The following LGALS2 variants were observed in gnomAD, a reference collection of about 807,000 sequenced individuals.
The protein encoded by LGALS2 is galectin 2.
LGALS2 carries 7 observed loss-of-function variants against 10.1 expected under a neutral mutation model. That is an observed-to-expected ratio of 0.70 (90% CI 0.40 to 1.31). LGALS2 has a LOEUF of 1.31. Ranked by LOEUF, LGALS2 falls within the 50% of genes most tolerant of loss-of-function variation. The pLI is 0.01. For missense variants in LGALS2, 167 were observed against 163.6 expected (o/e 1.02, Z -0.11); for synonymous variants, 86 against 64.2 (o/e 1.34, Z -1.63).
intron 1 of LGALS2, among the ~76,000 whole-genome samples, chr22:37,576,876 G>A (rs1925697688): frequency 6.6e-6 from 1 of 152,084 alleles, no homozygotes; most frequent in African/African-American, 2.4e-5. Flanking sequence ...GACAAATAGG[G>A]ATGCTGAGAG....
chr22:37,570,777 C>G, intron 2 of LGALS2, 42 bp from the exon 3 acceptor site: 1 of 1,612,386 alleles, frequency 6.2e-7, no homozygotes, highest in Non-Finnish European at 8.5e-7. Flanking sequence ...GGGCTCAGGC[C>G]TGGATAAAGC....
chr22:37,570,850 G>T, intron 2 of LGALS2, 115 bp from the exon 3 acceptor site: 1 of 1,171,406 alleles, frequency 8.5e-7, no homozygotes, highest in Non-Finnish European at 1.3e-6. Context: ...TGTTAGTTGA[G>T]ATCTGTGCCT....
chr22:37,572,397 C>G (rs147033704), intron 1 of LGALS2, among the ~76,000 whole-genome samples: 5 of 151,994 alleles, frequency 3.3e-5, no homozygotes, highest in African/African-American at 9.7e-5. Flanking sequence ...TTTGGGAGGC[C>G]GAGGCGGGCT....
intron 1 of LGALS2, among the ~76,000 whole-genome samples, chr22:37,575,045 G>A (rs1925629985): frequency 6.6e-6 from 1 of 151,716 alleles, no homozygotes; most frequent in Non-Finnish European, 1.5e-5. Flanking sequence ...ACCATATCTA[G>A]CTAATTTTCT....
intron 1 of LGALS2, among the ~76,000 whole-genome samples, chr22:37,574,816 T>C (rs1048011922): frequency 4.6e-5 from 7 of 151,668 alleles, no homozygotes; most frequent in Non-Finnish European, 2.9e-5. Context: ...GACCCGCTGG[T>C]TGGTCACATG....
chr22:37,576,684 G>A (rs904910210), intron 1 of LGALS2, among the ~76,000 whole-genome samples: 11 of 152,084 alleles, frequency 7.2e-5, no homozygotes, highest in Non-Finnish European at 1.5e-4. Flanking sequence ...CCCACACCCC[G>A]AGCCCTGCAA....
chr22:37,570,900 G>A (rs1925478653), intron 2 of LGALS2, among the ~76,000 whole-genome samples, 165 bp from the exon 3 acceptor site: 1 of 152,224 alleles, frequency 6.6e-6, no homozygotes, highest in South Asian at 2.1e-4. Context: ...ACTTAGCACT[G>A]TGGTAGCACA....
chr22:37,575,612 C>A (rs1426608847), intron 1 of LGALS2, among the ~76,000 whole-genome samples: 1 of 150,796 alleles, frequency 6.6e-6, no homozygotes, highest in East Asian at 1.9e-4. Context: ...AGGCATCCCA[C>A]CTGGCCCAGC....
chr22:37,573,269 T>C (rs1471832630), intron 1 of LGALS2, among the ~76,000 whole-genome samples: 1 of 151,658 alleles, frequency 6.6e-6, no homozygotes, highest in Non-Finnish European at 1.5e-5. Context: ...AGACTCTGTC[T>C]CAAAAACAAA....
In LGALS2 at chr22:37,570,600, G is replaced by A. The variant is rs1003716825; in HGVS notation, c.225C>T (p.Cys75=). 1 of 1,614,252 alleles carries A rather than the reference G, an allele frequency of 6.2e-7. No individual in the cohort carries two copies. The highest frequency in any genetic ancestry group is 8.5e-7 in the Non-Finnish European group (1 of 1,180,042). ...WGQEQREDHL[C]FSPGSEVKFT... Reference sequence around the variant, plus strand: ...CCTTGACCTCTGACCCTGGGCTGAAGCACAGGTGATCTTCCCGTTGTTCTT... The same window carrying A: ...CCTTGACCTCTGACCCTGGGCTGAAACACAGGTGATCTTCCCGTTGTTCTT... Residue 75 remains cysteine, a synonymous_variant, in exon 3 of 4, where the codon TGC becomes TGT. Transcript: ENST00000215886.
chr22:37,571,467 G>A (rs1404441545), intron 2 of LGALS2, among the ~76,000 whole-genome samples: 3 of 152,112 alleles, frequency 2.0e-5, no homozygotes, highest in Non-Finnish European at 4.4e-5. Flanking sequence ...GGCTGCCCTG[G>A]TTTAATGCTC....
At chr22:37,579,664 C>T (rs893063215) in intron 1 of LGALS2, among the ~76,000 whole-genome samples, 1 of 152,074 alleles carries the variant, frequency 6.6e-6, no homozygotes. Flanking sequence ...AAACTCCCAA[C>T]CTCAGATGAT....
At chr22:37,576,391 G>T (rs1925677245) in intron 1 of LGALS2, among the ~76,000 whole-genome samples, 2 of 148,158 alleles carry the variant, frequency 1.3e-5, no homozygotes, top group South Asian at 2.1e-4. Context: ...GGCGGTGCTT[G>T]CAGTGAGCCA....
chr22:37,575,863 C>G (rs1353881851), intron 1 of LGALS2, among the ~76,000 whole-genome samples: 1 of 152,222 alleles, frequency 6.6e-6, no homozygotes, highest in Non-Finnish European at 1.5e-5. Flanking sequence ...ACCAGAGCTT[C>G]TCAGCCTTGG....
intron 3 of LGALS2, 74 bp from the exon 4 acceptor site, chr22:37,570,486 A>G: frequency 6.2e-7 from 1 of 1,605,354 alleles, no homozygotes; most frequent in African/African-American, 1.3e-5. Flanking sequence ...TGGCTCAAAC[A>G]AGGCCAGCAC....
chr22:37,576,388 C>A (rs1925677018), intron 1 of LGALS2, among the ~76,000 whole-genome samples: 1 of 145,296 alleles, frequency 6.9e-6, no homozygotes, highest in Non-Finnish European at 1.5e-5. Context: ...GGAGGCGGTG[C>A]TTGCAGTGAG....
chr22:37,579,482 G>A (rs1925785227), intron 1 of LGALS2, among the ~76,000 whole-genome samples: 1 of 151,928 alleles, frequency 6.6e-6, no homozygotes, highest in Admixed American at 6.6e-5. Context: ...GCCCAGGCTG[G>A]AGTGCAATGG....
At position 37,580,002 on chromosome 22, in the gene LGALS2, T is replaced by G; in HGVS notation, c.-97A>C. On this transcript the variant is annotated 5_prime_UTR_variant, in exon 1 of 4. Transcript: ENST00000215886. ...GCTTATATCCTAGAATATTACACATTAACTCCCTCAAGGTCCTAGGTGAGG... is the reference window on the plus strand; with the variant it reads ...GCTTATATCCTAGAATATTACACATGAACTCCCTCAAGGTCCTAGGTGAGG... 1.5e-6 allele frequency: 2 copies of G among 1,348,348 alleles called. No homozygotes were observed. Among genetic ancestry groups the G allele is most frequent in the Admixed American group, 1.9e-5 (1 of 53,006 alleles). The allele number at this position is 1,348,348 out of a possible 1,614,324, so 83.5% of individuals were successfully genotyped here. A position where few individuals can be genotyped will look rare whatever the true frequency, so the allele number is the denominator to read the frequency against.
At position 37,580,015 on chromosome 22, in the gene LGALS2, G is replaced by T; in HGVS notation, c.-110C>A. On this transcript the variant is annotated 5_prime_UTR_variant, in exon 1 of 4. Transcript: ENST00000215886. ...AATATTACACATTAACTCCCTCAAG[G>T]TCCTAGGTGAGGACTTTGCCCCTTC... is the stretch of plus-strand genomic sequence containing the variant. 8.4e-7 allele frequency: 1 copy of T among 1,191,876 alleles called. No homozygotes were observed. Among genetic ancestry groups the T allele is most frequent in the Non-Finnish European group, 1.2e-6 (1 of 831,314 alleles). 73.8% of individuals were successfully genotyped at this position (1,191,876 alleles called of 1,614,324 possible).
Sources: gnomAD v4.1 joint callset for allele counts (sites outside exome capture counted in the v4.1 genomes callset) on GRCh38, gnomAD v4.1.1 for gene constraint, MANE v1.5 for transcripts, NCBI Gene and HGNC (gene_info 2026-07-23, HGNC 2026-07-21) for gene names.